The following EPHB2 variants were observed in gnomAD, a reference collection of about 807,000 sequenced individuals.
EPHB2 encodes EPH receptor B2.
In EPHB2, 18 loss-of-function variants were observed where a neutral mutation model predicts 96.4. The ratio of observed to expected loss-of-function variants is 0.19; its 90% CI spans 0.13 to 0.28. The LOEUF (loss-of-function observed/expected upper bound fraction) is 0.28, where lower values mean the gene tolerates loss of function less well. Ranked by LOEUF, EPHB2 falls within the 10% of genes least tolerant of loss-of-function variation. The pLI is 1.00. For missense variants in EPHB2, 989 were observed against 1,355.4 expected, an observed-to-expected ratio of 0.73 and a Z score of 4.25; for synonymous variants, 506 against 534.1, an observed-to-expected ratio of 0.95 and a Z score of 0.72.
At chr1:22,857,851 G>A (rs545159635) in intron 3 of EPHB2, among the ~76,000 whole-genome samples, 10 of 152,242 alleles carry the variant, frequency 6.6e-5, no homozygotes, top group Non-Finnish European at 1.5e-4. Context: ...ACCGGCCCGC[G>A]GCTCTGCTAG....
chr1:22,825,492 C>A (rs984286975), intron 3 of EPHB2, among the ~76,000 whole-genome samples: 1 of 152,218 alleles, frequency 6.6e-6, no homozygotes, highest in African/African-American at 2.4e-5. Context: ...GGTCTCAGGC[C>A]TAGCTTTGCT....
At chr1:22,859,067 G>A (rs1335318922) in intron 3 of EPHB2, among the ~76,000 whole-genome samples, 2 of 152,138 alleles carry the variant, frequency 1.3e-5, no homozygotes, top group Non-Finnish European at 2.9e-5. Context: ...GAACCTGGGA[G>A]GCAGAGGTTG....
chr1:22,733,477 A>G lies in EPHB2; in HGVS notation c.61+22434A>G, dbSNP rs144626589. ...AATGATGAAAATATTAGCGTTATAC[A>G]ATTTTAACATTCATGTTAACAGTCA... On this transcript the variant is annotated intron_variant, in intron 1 of 15. Coordinates refer to ENST00000374630, the MANE Select transcript of EPHB2 (RefSeq NM_017449.5). This position sits in a 1 kb window ranked among gnomAD's most constrained non-coding sequence, Gnocchi z 4.6. Among the ~76,000 whole-genome samples the G allele has an allele frequency of 2.9e-3, 437 of 152,346 alleles. 3 individuals are homozygous for G. The highest frequency in any genetic ancestry group is 0.01 in the African/African-American group (420 of 41,578).
chr1:22,862,956 C>T, intron 3 of EPHB2, 81 bp from the exon 4 acceptor site: 2 of 1,584,260 alleles, frequency 1.3e-6, no homozygotes, highest in Admixed American at 1.7e-5. Flanking sequence ...GCTGTGTGGC[C>T]CCTCCGTGAG....
chr1:22,828,366 T>G (rs568393626), intron 3 of EPHB2, among the ~76,000 whole-genome samples: 1 of 152,166 alleles, frequency 6.6e-6, no homozygotes, highest in African/African-American at 2.4e-5. Flanking sequence ...AGTCGAGGCA[T>G]CCGGGCCCCT....
intron 1 of EPHB2, among the ~76,000 whole-genome samples, chr1:22,776,119 C>A (rs192516634): frequency 1.3e-5 from 2 of 152,296 alleles, no homozygotes; most frequent in Admixed American, 6.5e-5. Context: ...CTGCTTAACC[C>A]CTCCAGGCTC....
chr1:22,911,840 C>A (rs977707927), intron 14 of EPHB2, among the ~76,000 whole-genome samples: 1 of 152,166 alleles, frequency 6.6e-6, no homozygotes, highest in African/African-American at 2.4e-5. Context: ...CTCACCATGA[C>A]CCTGTGTCAG....
chr1:22,853,462 C>G (rs565864257), intron 3 of EPHB2, among the ~76,000 whole-genome samples: 2 of 152,358 alleles, frequency 1.3e-5, no homozygotes, highest in Non-Finnish European at 2.9e-5. Flanking sequence ...CAGTCACCAT[C>G]CTGTATACTC....
chr1:22,896,356 G>T lies in EPHB2; in HGVS notation c.1701-58G>T. ...CACCCTCTCCCTATCACCTACTGTG[G>T]CTCCCAGCTCCCTGGGCGCCTTCAG... On this transcript the variant is annotated intron_variant, in intron 8 of 15. Transcript: ENST00000374630. The T allele has an allele frequency of 6.2e-7, 1 of 1,611,802 alleles. No homozygotes were observed.
Position 22,860,485 on chromosome 1 carries a change from G to A in EPHB2, c.812-2552G>A, listed in dbSNP as rs1209125515. The stretch of plus-strand genomic sequence containing the variant: ...CAGAGCAAATGAAGGGCGGCTTAGG[G>A]CAGGGGCAGCCTGGGGAGTCTGAGA... On this transcript the variant is annotated intron_variant, in intron 3 of 15. Coordinates refer to ENST00000374630, the MANE Select transcript of EPHB2 (RefSeq NM_017449.5). The surrounding 1 kb of genome is among the most constrained non-coding windows in gnomAD (Gnocchi z 4.6). Among the ~76,000 whole-genome samples the A allele has an allele frequency of 6.6e-6, 1 of 152,134 alleles. No individual in the cohort carries two copies. The highest frequency in any genetic ancestry group is 2.4e-5 in the African/African-American group (1 of 41,428).
chr1:22,730,124 G>A (rs950403985), intron 1 of EPHB2, among the ~76,000 whole-genome samples: 18 of 152,232 alleles, frequency 1.2e-4, no homozygotes, highest in Non-Finnish European at 2.6e-4. Context: ...CTGGCCTTGG[G>A]GAGCTCACAC....
chr1:22,886,307 A>G (rs1639222726), intron 6 of EPHB2, among the ~76,000 whole-genome samples: 1 of 152,216 alleles, frequency 6.6e-6, no homozygotes, highest in African/African-American at 2.4e-5. Flanking sequence ...AGACAAGGCA[A>G]GTGTGGCAGA....
At chr1:22,762,744 G>C (rs1444383349) in intron 1 of EPHB2, among the ~76,000 whole-genome samples, 1 of 152,204 alleles carries the variant, frequency 6.6e-6, no homozygotes, top group Non-Finnish European at 1.5e-5. Flanking sequence ...GCAGGGACTT[G>C]ACCAATGGCC....
chr1:22,810,174 G>A (rs904292700), intron 3 of EPHB2, among the ~76,000 whole-genome samples: 8 of 152,254 alleles, frequency 5.3e-5, no homozygotes, highest in East Asian at 3.9e-4. Flanking sequence ...GCTCTTGTGC[G>A]GGAGACCTGG....
chr1:22,731,838 TCAAA>T (rs924510442), intron 1 of EPHB2, among the ~76,000 whole-genome samples: 3 of 152,126 alleles, frequency 2.0e-5, no homozygotes, highest in Non-Finnish European at 4.4e-5. Context: ...AGATTCCATC[TCAAA>T]CAAAACAAAA....
At chr1:22,775,659 C>T (rs1392196018) in intron 1 of EPHB2, among the ~76,000 whole-genome samples, 1 of 152,266 alleles carries the variant, frequency 6.6e-6, no homozygotes, top group African/African-American at 2.4e-5. Context: ...CCAGAGGGGC[C>T]ATCGGGCCTC....
chr1:22,829,955 C>T (rs751619264), intron 3 of EPHB2, among the ~76,000 whole-genome samples: 10 of 152,100 alleles, frequency 6.6e-5, no homozygotes, highest in African/African-American at 1.7e-4. Context: ...AGAGGTAAGT[C>T]GAGGCACCGA....
chr1:22,714,058 CT>C (rs1471865902), intron 1 of EPHB2, among the ~76,000 whole-genome samples: 1 of 152,210 alleles, frequency 6.6e-6, no homozygotes, highest in Non-Finnish European at 1.5e-5. Context: ...AAACAGCCTC[CT>C]TACATCTGCT....
chr1:22,816,310 A>G (rs1645074599), intron 3 of EPHB2, among the ~76,000 whole-genome samples: 1 of 152,086 alleles, frequency 6.6e-6, no homozygotes, highest in Non-Finnish European at 1.5e-5. Flanking sequence ...GGAGCCATGC[A>G]CTGTGCCAAA....
Sources: allele counts gnomAD v4.1 joint callset (sites outside exome capture counted in the v4.1 genomes callset), GRCh38; gene constraint gnomAD v4.1.1; non-coding constraint Gnocchi (gnomAD v3.1); transcripts MANE v1.5; gene names NCBI Gene and HGNC (gene_info 2026-07-23, HGNC 2026-07-21).